The following PPP2R3A variants were observed in gnomAD, a reference collection of about 807,000 sequenced individuals.
The protein encoded by PPP2R3A is serine/threonine-protein phosphatase 2A regulatory subunit B'' subunit alpha.
PPP2R3A carries 80 observed loss-of-function variants against 106.9 expected under a neutral mutation model. The ratio of observed to expected loss-of-function variants is 0.75; its 90% confidence interval spans 0.62 to 0.90. The LOEUF is 0.90. Ranked by LOEUF, PPP2R3A falls within the 40% of genes least tolerant of loss-of-function variation. The probability of loss-of-function intolerance (pLI) is 0.00; values close to 1 mark genes in which losing one functional copy is unlikely to be tolerated. For missense variants in PPP2R3A, 1,386 were observed against 1,350.4 expected, an observed-to-expected ratio of 1.03 and a Z score of -0.41; for synonymous variants, 483 against 468.3, an observed-to-expected ratio of 1.03 and a Z score of -0.41.
At chr3:136,006,998 G>A (rs1049711231) in intron 2 of PPP2R3A, among the ~76,000 whole-genome samples, 1 of 152,170 alleles carries the variant, frequency 6.6e-6, no homozygotes, top group Non-Finnish European at 1.5e-5. Flanking sequence ...TCCTTCAGGT[G>A]GTAACCTTTT....
At chr3:135,969,958 C>T (rs1937197834) in intron 1 of PPP2R3A, among the ~76,000 whole-genome samples, 1 of 152,188 alleles carries the variant, frequency 6.6e-6, no homozygotes. Flanking sequence ...TCATTTATTT[C>T]TCTGACTGTA....
intron 13 of PPP2R3A, among the ~76,000 whole-genome samples, chr3:136,138,792 A>G (rs1938733730): frequency 7.7e-6 from 1 of 130,532 alleles, no homozygotes; most frequent in African/African-American, 3.0e-5. Flanking sequence ...GCTCACAGCA[A>G]CCTCCACCTC....
chr3:136,105,783 G>A (rs1286159376), intron 12 of PPP2R3A, among the ~76,000 whole-genome samples: 4 of 152,094 alleles, frequency 2.6e-5, no homozygotes, highest in South Asian at 2.1e-4. Context: ...CCAACATGGC[G>A]AAACCCTGTC....
chr3:136,079,356 C>T (rs1168158543), intron 7 of PPP2R3A: 3 of 224,592 alleles, frequency 1.3e-5, no homozygotes, highest in African/African-American at 6.9e-5. Flanking sequence ...CCCCCACTTT[C>T]CTGAAGCACA....
chr3:135,974,664 T>C (rs1270467462), intron 1 of PPP2R3A, among the ~76,000 whole-genome samples: 1 of 152,192 alleles, frequency 6.6e-6, no homozygotes, highest in African/African-American at 2.4e-5. Flanking sequence ...CTGTCTCCCT[T>C]CCCTTTCAAA....
At chr3:136,058,498 T>C (rs1935956940) in intron 5 of PPP2R3A, among the ~76,000 whole-genome samples, 1 of 152,078 alleles carries the variant, frequency 6.6e-6, no homozygotes, top group Admixed American at 6.6e-5. Context: ...AAACCACTGC[T>C]CAAATAAATC....
At chr3:136,025,208 C>A (rs917069681) in intron 2 of PPP2R3A, among the ~76,000 whole-genome samples, 6 of 152,128 alleles carry the variant, frequency 3.9e-5, no homozygotes, top group Non-Finnish European at 8.8e-5. Context: ...CAACAACCTT[C>A]TAAGAAGTAG....
At chr3:136,080,465 TTA>T (rs1434646815) in intron 7 of PPP2R3A, among the ~76,000 whole-genome samples, 8 of 152,224 alleles carry the variant, frequency 5.3e-5, no homozygotes, top group African/African-American at 1.9e-4. Flanking sequence ...CTACTTTCAC[TTA>T]TATACTCACC....
rs1939187558 is a variant in PPP2R3A, at chr3:136,147,565, T to C, written c.*2399T>C. The C allele has an allele frequency of 6.6e-6, 1 of 152,624 alleles. No homozygotes were observed. The highest frequency in any genetic ancestry group is 2.4e-5 in the African/African-American group (1 of 41,438). The allele number at this position is 152,624 out of a possible 1,614,324, so 9.5% of individuals were successfully genotyped here. ...TTTGACTTTCTGGTAAAGATCATGG[T>C]TAAGTATAATCATTACTGCCAAACT... is the stretch of plus-strand genomic sequence containing the variant. On this transcript the variant is annotated 3_prime_UTR_variant, in exon 14 of 14. Transcript: ENST00000264977.
At chr3:136,036,046 A>G (rs751036930) in intron 3 of PPP2R3A, among the ~76,000 whole-genome samples, 2 of 151,666 alleles carry the variant, frequency 1.3e-5, no homozygotes, top group Non-Finnish European at 2.9e-5. Flanking sequence ...TTGCGTTTCT[A>G]TAAGTGTGTC....
chr3:136,103,435 A>G, intron 12 of PPP2R3A, 59 bp downstream of exon 12: 1 of 1,144,104 alleles, frequency 8.7e-7, no homozygotes, highest in Non-Finnish European at 1.3e-6. Flanking sequence ...TGTGTGTGCT[A>G]CATATTAACA....
intron 4 of PPP2R3A, among the ~76,000 whole-genome samples, chr3:136,046,046 A>G (rs1935460686): frequency 6.6e-6 from 1 of 152,098 alleles, no homozygotes; most frequent in East Asian, 1.9e-4. Context: ...GCATGATGGT[A>G]TGAACCTGTG....
intron 1 of PPP2R3A, 85 bp downstream of exon 1, chr3:135,965,934 G>A (rs916080112): frequency 6.5e-6 from 1 of 152,998 alleles, no homozygotes; most frequent in Non-Finnish European, 1.5e-5. Context: ...TCGGGGCGGC[G>A]CGCGGAGGCC....
At chr3:136,074,757 T>TGGA (rs1255416570) in intron 6 of PPP2R3A, among the ~76,000 whole-genome samples, 1 of 152,188 alleles carries the variant, frequency 6.6e-6, no homozygotes, top group Non-Finnish European at 1.5e-5. Context: ...ATTTTCCTTG[T>TGGA]GGAGGGCAAG....
At chr3:136,016,261 C>G (rs1219119154) in intron 2 of PPP2R3A, among the ~76,000 whole-genome samples, 1 of 152,010 alleles carries the variant, frequency 6.6e-6, no homozygotes, top group Non-Finnish European at 1.5e-5. Context: ...GGAGAATGTT[C>G]CATGTGCTGA....
intron 13 of PPP2R3A, among the ~76,000 whole-genome samples, chr3:136,138,112 GAT>G (rs1342078452): frequency 4.6e-5 from 7 of 152,194 alleles, no homozygotes; most frequent in Admixed American, 3.9e-4. Context: ...TAATATTACA[GAT>G]ATATGAGTTT....
intron 13 of PPP2R3A, among the ~76,000 whole-genome samples, chr3:136,136,074 T>TTATA (rs1410076640): frequency 0.16 from 4,874 of 29,892 alleles, 243 homozygotes; most frequent in Non-Finnish European, 0.31. Context: ...AAAAAAAAAA[T>TTATA]TATATATATA....
chr3:135,966,689 T>A (rs1344242023), intron 1 of PPP2R3A, among the ~76,000 whole-genome samples: 1 of 152,146 alleles, frequency 6.6e-6, no homozygotes, highest in Non-Finnish European at 1.5e-5. Flanking sequence ...GAAGACAAAT[T>A]ATTGTTTGTA....
At chr3:136,030,910 G>A (rs765634320) in intron 3 of PPP2R3A, among the ~76,000 whole-genome samples, 3 of 151,660 alleles carry the variant, frequency 2.0e-5, no homozygotes, top group East Asian at 1.9e-4. Flanking sequence ...TTGCAATTGC[G>A]AATTGTGCTG....
Sources: allele counts gnomAD v4.1 joint callset (sites outside exome capture counted in the v4.1 genomes callset), GRCh38; gene constraint gnomAD v4.1.1; transcripts MANE v1.5; gene names NCBI Gene and HGNC (gene_info 2026-07-23, HGNC 2026-07-21).